HSPA12A: variants seen among roughly 807,000 people sequenced by gnomAD.
The protein encoded by HSPA12A is heat shock 70 kDa protein 12A.
In HSPA12A, 28 loss-of-function variants were observed where a neutral mutation model predicts 69.2. The ratio of observed to expected loss-of-function variants is 0.40; its 90% CI spans 0.30 to 0.55. HSPA12A has a LOEUF of 0.55. Ranked by LOEUF, HSPA12A falls within the 20% of genes least tolerant of loss-of-function variation. The pLI is 0.38. For synonymous variants in HSPA12A, 345 were observed against 370.5 expected, an observed-to-expected ratio of 0.93 and a Z score of 0.79; for missense variants, 686 against 900.7, an observed-to-expected ratio of 0.76 and a Z score of 3.05.
intron 1 of HSPA12A, among the ~76,000 whole-genome samples, chr10:116,722,610 C>G (rs1035233971): frequency 6.6e-6 from 1 of 152,250 alleles, no homozygotes; most frequent in East Asian, 1.9e-4. Flanking sequence ...ACCCCACACT[C>G]GGTGTGCCTG....
intron 2 of HSPA12A, chr10:116,831,504 C>G (rs1344426223): frequency 1.3e-5 from 2 of 152,158 alleles, no homozygotes; most frequent in Non-Finnish European, 2.9e-5. Flanking sequence ...GAAGCCAGAG[C>G]CAGATCTCGA....
intron 1 of HSPA12A, among the ~76,000 whole-genome samples, chr10:116,742,102 C>T (rs1177607387): frequency 1.3e-5 from 2 of 151,940 alleles, no homozygotes; most frequent in African/African-American, 2.4e-5. Flanking sequence ...GCGGGGCGGT[C>T]CTCACCCGCA....
intron 1 of HSPA12A, among the ~76,000 whole-genome samples, chr10:116,724,795 A>G (rs2133034166): frequency 6.6e-6 from 1 of 152,258 alleles, no homozygotes; most frequent in East Asian, 1.9e-4. Context: ...CCAGAGCCCA[A>G]GACTCCAGCT....
chr10:116,690,946 C>T (rs782579252), intron 6 of HSPA12A, among the ~76,000 whole-genome samples: 1 of 152,228 alleles, frequency 6.6e-6, no homozygotes, highest in Non-Finnish European at 1.5e-5. Flanking sequence ...CGCCAGGTGG[C>T]GTCTCTGCAG....
chr10:116,759,898 G>C (rs539116181), intron 2 of HSPA12A, among the ~76,000 whole-genome samples: 10 of 152,274 alleles, frequency 6.6e-5, no homozygotes, highest in African/African-American at 2.4e-4. Context: ...GAGTTTCCCT[G>C]AACAAGTTCT....
chr10:116,714,107 G>T (rs1850533444), intron 1 of HSPA12A, among the ~76,000 whole-genome samples: 1 of 151,550 alleles, frequency 6.6e-6, no homozygotes, highest in Admixed American at 6.6e-5. Context: ...GGATGGATGG[G>T]TTGGTAAGTG....
At chr10:116,740,434 A>T (rs1554886903) in intron 1 of HSPA12A, among the ~76,000 whole-genome samples, 1 of 152,254 alleles carries the variant, frequency 6.6e-6, no homozygotes, top group Non-Finnish European at 1.5e-5. Flanking sequence ...CCAGAGGCAC[A>T]GTGAGCTGCC....
intron 2 of HSPA12A, among the ~76,000 whole-genome samples, chr10:116,785,466 T>A (rs1291651217): frequency 6.6e-6 from 1 of 151,990 alleles, no homozygotes; most frequent in Non-Finnish European, 1.5e-5. Context: ...GTGACAGAAA[T>A]GTTCTTGCCT....
Position 116,675,503 on chromosome 10 carries a change from C to T in HSPA12A, c.1391-85G>A, listed in dbSNP as rs1417628902. ...CTGGGCTGCCTGCATCTGTGGGGAA[C>T]GGATAAAGCCACTTGGGCCACTGGG... is the stretch of plus-strand genomic sequence containing the variant. On this transcript the variant is annotated intron_variant, in intron 11 of 11. Coordinates refer to ENST00000369209, the MANE Select transcript of HSPA12A (RefSeq NM_025015.3). The surrounding 1 kb of genome is among the most constrained non-coding windows in gnomAD (Gnocchi z 5.2). 1.4e-5 allele frequency: 20 copies of T among 1,400,738 alleles called. No homozygotes were observed. Among genetic ancestry groups the T allele is most frequent in the East Asian group, 7.5e-5 (3 of 39,858 alleles). The allele number at this position is 1,400,738 out of a possible 1,614,324, so 86.8% of individuals were successfully genotyped here. A position where few individuals can be genotyped will look rare whatever the true frequency, so the allele number is the denominator to read the frequency against.
intron 2 of HSPA12A, among the ~76,000 whole-genome samples, chr10:116,824,552 T>C (rs1336479015): frequency 1.3e-5 from 2 of 152,248 alleles, no homozygotes. Flanking sequence ...CAATGGAATA[T>C]TATCATTATC....
intron 5 of HSPA12A, among the ~76,000 whole-genome samples, chr10:116,697,767 G>A (rs891578012): frequency 2.6e-5 from 4 of 152,094 alleles, no homozygotes; most frequent in Admixed American, 2.0e-4. Flanking sequence ...AAGGTTGTGC[G>A]CCCAACCCCA....
intron 2 of HSPA12A, among the ~76,000 whole-genome samples, chr10:116,764,487 TAAAG>T (rs1209706878): frequency 6.6e-6 from 1 of 152,090 alleles, no homozygotes. Context: ...AAAGACTACA[TAAAG>T]AGAGTATTCT....
At chr10:116,844,180 A>G (rs1173038017) in intron 1 of HSPA12A, among the ~76,000 whole-genome samples, 1 of 152,196 alleles carries the variant, frequency 6.6e-6, no homozygotes, top group African/African-American at 2.4e-5. Flanking sequence ...CATCTCCCCT[A>G]TTTATTAACT....
intron 1 of HSPA12A, among the ~76,000 whole-genome samples, chr10:116,846,335 T>C (rs1419230755): frequency 4.7e-5 from 7 of 150,394 alleles, no homozygotes; most frequent in Non-Finnish European, 8.8e-5. Context: ...TCTTTTCTTT[T>C]TTTTTTTTGT....
intron 2 of HSPA12A, among the ~76,000 whole-genome samples, chr10:116,776,827 T>A (rs571631537): frequency 1.3e-5 from 2 of 152,358 alleles, no homozygotes; most frequent in South Asian, 4.1e-4. Context: ...ATTTTAGATG[T>A]ATATCCTTAA....
At chr10:116,816,694 T>A (rs1324857952) in intron 2 of HSPA12A, among the ~76,000 whole-genome samples, 5 of 152,226 alleles carry the variant, frequency 3.3e-5, no homozygotes, top group Non-Finnish European at 5.9e-5. Flanking sequence ...CACTCATGAT[T>A]TTTTTAAATG....
intron 2 of HSPA12A, among the ~76,000 whole-genome samples, chr10:116,764,873 G>A (rs1844045163): frequency 6.6e-6 from 1 of 152,194 alleles, no homozygotes; most frequent in Non-Finnish European, 1.5e-5. Flanking sequence ...TACTCTAACT[G>A]TGTATCTTTA....
chr10:116,747,468 C>G (rs1471700546), upstream of HSPA12A, among the ~76,000 whole-genome samples: 2 of 152,182 alleles, frequency 1.3e-5, no homozygotes, highest in Non-Finnish European at 2.9e-5. Context: ...TCCCGGAAGC[C>G]ACATCTCAAG....
chr10:116,804,005 C>G (rs886863951), intron 2 of HSPA12A, among the ~76,000 whole-genome samples: 1 of 152,108 alleles, frequency 6.6e-6, no homozygotes, highest in Non-Finnish European at 1.5e-5. Context: ...ATGTGAGAAT[C>G]TCCCCTTAGC....
Sources: gnomAD v4.1 joint callset for allele counts (sites outside exome capture counted in the v4.1 genomes callset) on GRCh38, gnomAD v4.1.1 for gene constraint, Gnocchi (gnomAD v3.1) non-coding constraint, MANE v1.5 for transcripts, NCBI Gene and HGNC (gene_info 2026-07-23, HGNC 2026-07-21) for gene names.